Variants in S100PBP observed in about 807,000 individuals in gnomAD.
S100PBP encodes the protein S100P-binding protein.
Under a neutral mutation model 39.9 loss-of-function variants are expected in S100PBP, and 15 were observed. The observed-to-expected ratio is 0.38, with a 90% CI of 0.25 to 0.58. The LOEUF (loss-of-function observed/expected upper bound fraction) is 0.58. Ranked by LOEUF, S100PBP falls within the 20% of genes least tolerant of loss-of-function variation. The pLI, the probability that S100PBP is intolerant of heterozygous loss-of-function variation, is 0.70. For synonymous variants in S100PBP, 178 were observed against 180.3 expected, an observed-to-expected ratio of 0.99 and a Z score of 0.10; for missense variants, 504 against 487.3, an observed-to-expected ratio of 1.03 and a Z score of -0.32.
intron 5 of S100PBP, chr1:32,843,285 C>T (rs1292012986): frequency 2.6e-5 from 4 of 151,530 alleles, no homozygotes; most frequent in African/African-American, 9.7e-5. Context: ...CTAGAACCTC[C>T]AGTTAAGTAC....
chr1:32,844,387 A>C (rs1386803386), intron 5 of S100PBP, among the ~76,000 whole-genome samples: 1 of 152,140 alleles, frequency 6.6e-6, no homozygotes, highest in Non-Finnish European at 1.5e-5. Flanking sequence ...GGAACTGGGC[A>C]CGGTGGCTCA....
At chr1:32,849,631 G>A (rs1232520065) in intron 5 of S100PBP, among the ~76,000 whole-genome samples, 2 of 152,156 alleles carry the variant, frequency 1.3e-5, no homozygotes, top group Admixed American at 1.3e-4. Context: ...TTAGTTATTA[G>A]TGCTAAGGAA....
intron 5 of S100PBP, among the ~76,000 whole-genome samples, chr1:32,852,462 T>C (rs1569955401): frequency 6.6e-6 from 1 of 152,234 alleles, no homozygotes. Flanking sequence ...GGATCCCAGG[T>C]GTTTGAGAAA....
chr1:32,828,054 T>G lies in S100PBP; in HGVS notation c.893T>G (p.Val298Gly). The change falls in exon 4 of 7, where the codon GTC (valine) becomes GGC (glycine). Residue 298 changes from valine to glycine, a missense_variant. Coordinates refer to ENST00000373475, the MANE Select transcript of S100PBP (RefSeq NM_022753.4). ...MKGHERRLGK[V>G]IPVLQTKTRT... ...GGCCATGAGAGAAGACTAGGCAAAG[T>G]CATTCCTGTTCTACAAACTAAGACC... 1 of 1,606,892 alleles carries G rather than the reference T, an allele frequency of 6.2e-7. No individual in the cohort carries two copies. Among genetic ancestry groups the G allele is most frequent in the Non-Finnish European group, 8.5e-7 (1 of 1,173,780 alleles).
intron 5 of S100PBP, among the ~76,000 whole-genome samples, chr1:32,840,289 T>G (rs1162529566): frequency 6.6e-6 from 1 of 151,648 alleles, no homozygotes; most frequent in East Asian, 1.9e-4. Context: ...CTCGGCCTAA[T>G]TTTTTGTATT....
Position 32,855,918 on chromosome 1 carries a change from C to T in S100PBP, c.1113-6C>T, listed in dbSNP as rs777219872. 8.7e-6 allele frequency: 14 copies of T among 1,607,108 alleles called. No individual in the cohort carries two copies. The African/African-American group carries it at 1.2e-4, about 14-fold the overall frequency. ...CTTCCTGTTTGTACTCTCCCTCTCT[C>T]GATAGAAACTACGCCCGCCGACAGA... On this transcript the variant is annotated splice_polypyrimidine_tract_variant and splice_region_variant and intron_variant, in intron 6 of 6. Coordinates refer to ENST00000373475, the MANE Select transcript of S100PBP (RefSeq NM_022753.4).
intron 1 of S100PBP, among the ~76,000 whole-genome samples, chr1:32,822,146 A>G (rs988901141): frequency 2.6e-5 from 4 of 152,188 alleles, no homozygotes; most frequent in Non-Finnish European, 5.9e-5. Flanking sequence ...AGATGAAATG[A>G]TACAATGCCT....
At chr1:32,818,109 G>A (rs1638839676) in intron 1 of S100PBP, 1 of 152,770 alleles carries the variant, frequency 6.5e-6, no homozygotes, top group East Asian at 1.9e-4. Context: ...ATTCCCTGGG[G>A]AGATCTGAGG....
intron 5 of S100PBP, among the ~76,000 whole-genome samples, chr1:32,840,888 C>T (rs1025501612): frequency 6.6e-6 from 1 of 151,598 alleles, no homozygotes; most frequent in Non-Finnish European, 1.5e-5. Flanking sequence ...CGGCCAGGCG[C>T]GGTGGCTCAA....
At chr1:32,848,956 A>G (rs1357962960) in intron 5 of S100PBP, among the ~76,000 whole-genome samples, 2 of 152,154 alleles carry the variant, frequency 1.3e-5, no homozygotes, top group Non-Finnish European at 2.9e-5. Context: ...AAGAAAGCCC[A>G]TCTGTTAGAG....
At chr1:32,853,765 T>C (rs1640718610) in intron 6 of S100PBP, among the ~76,000 whole-genome samples, 1 of 151,980 alleles carries the variant, frequency 6.6e-6, no homozygotes, top group Non-Finnish European at 1.5e-5. Context: ...GGCATGGTGG[T>C]GTGTGTCTGT....
chr1:32,833,716 A>G (rs1269785916), intron 5 of S100PBP, among the ~76,000 whole-genome samples: 2 of 152,156 alleles, frequency 1.3e-5, no homozygotes, highest in Non-Finnish European at 2.9e-5. Context: ...CAAAGAAAAA[A>G]ACTTAAAATC....
intron 2 of S100PBP, 88 bp from the exon 3 acceptor site, chr1:32,826,010 A>T: frequency 1.1e-6 from 1 of 902,510 alleles, no homozygotes; most frequent in South Asian, 1.7e-5. Flanking sequence ...AGATTTTGAA[A>T]TACTAGAACA....
In S100PBP at chr1:32,826,402, G is replaced by T. The variant is rs779338943; in HGVS notation, c.303G>T (p.Ser101=). 5 of 1,613,886 alleles carry T rather than the reference G, an allele frequency of 3.1e-6. No individual in the cohort carries two copies. In the East Asian group the frequency reaches 6.7e-5, roughly 22 times the overall value. ...LLDTPREKNS[S]YSLGPVAETP... ...ATACTCCCCGAGAGAAAAATTCATC[G>T]TACAGCCTGGGACCAGTAGCTGAGA... Residue 101 remains serine, a synonymous_variant, in exon 3 of 7, where the codon TCG becomes TCT. Coordinates refer to ENST00000373475, the MANE Select transcript of S100PBP (RefSeq NM_022753.4).
At chr1:32,849,873 TAC>T (rs1640540228) in intron 5 of S100PBP, among the ~76,000 whole-genome samples, 1 of 152,236 alleles carries the variant, frequency 6.6e-6, no homozygotes, top group South Asian at 2.1e-4. Context: ...TCGGTTTCTT[TAC>T]AGTTTTATAT....
intron 6 of S100PBP, among the ~76,000 whole-genome samples, chr1:32,853,758 A>G (rs1640717911): frequency 1.3e-5 from 2 of 152,030 alleles, no homozygotes; most frequent in Non-Finnish European, 1.5e-5. Context: ...TTAACTGGGC[A>G]TGGTGGTGTG....
At chr1:32,826,958 G>A in intron 3 of S100PBP, 28 bp downstream of exon 3, 1 of 1,433,058 alleles carries the variant, frequency 7.0e-7, no homozygotes, top group East Asian at 2.3e-5. Flanking sequence ...AAGGTGAAGA[G>A]AAAAATGAAA....
intron 5 of S100PBP, among the ~76,000 whole-genome samples, chr1:32,842,236 T>TATATACACACACACAC (rs372174677): frequency 2.5e-5 from 2 of 80,854 alleles, no homozygotes; most frequent in African/African-American, 9.4e-5. Flanking sequence ...TATATATATA[T>TATATACACACACACAC]ACACACACAC....
intron 5 of S100PBP, among the ~76,000 whole-genome samples, chr1:32,839,602 A>C (rs1639995818): frequency 6.6e-6 from 1 of 152,144 alleles, no homozygotes. Context: ...ACCGTAGTGC[A>C]GTACAGCCTC....
Sources: allele counts gnomAD v4.1 joint callset (sites outside exome capture counted in the v4.1 genomes callset), GRCh38; gene constraint gnomAD v4.1.1; transcripts MANE v1.5; gene names NCBI Gene and HGNC (gene_info 2026-07-23, HGNC 2026-07-21).